TPRG1: variants seen among roughly 807,000 people sequenced by gnomAD.
The protein encoded by TPRG1 is tumor protein p63 regulated 1.
Under a neutral mutation model 29.3 loss-of-function variants are expected in TPRG1, and 29 were observed. The observed-to-expected ratio is 0.99, with a 90% CI of 0.74 to 1.35. TPRG1 has a LOEUF of 1.35. Ranked by LOEUF, TPRG1 falls within the 40% of genes most tolerant of loss-of-function variation. TPRG1 has a pLI of 0.00. For missense variants in TPRG1, 327 were observed against 335.0 expected (o/e 0.98, Z 0.19); for synonymous variants, 130 against 116.8 (o/e 1.11, Z -0.73).
chr3:189,306,797 A>G (rs1721699615), intron 4 of TPRG1, among the ~76,000 whole-genome samples: 1 of 151,916 alleles, frequency 6.6e-6, no homozygotes, highest in Non-Finnish European at 1.5e-5. Flanking sequence ...AAAACTTTTT[A>G]TCATCCGTTA....
intron 4 of TPRG1, among the ~76,000 whole-genome samples, chr3:189,246,379 G>GT (rs991266221): frequency 4.6e-5 from 7 of 151,792 alleles, no homozygotes; most frequent in African/African-American, 7.3e-5. Context: ...CACATAGCAT[G>GT]TTTTTTTTAT....
chr3:189,282,753 A>T (rs984015736), intron 4 of TPRG1, among the ~76,000 whole-genome samples: 3 of 152,180 alleles, frequency 2.0e-5, no homozygotes, highest in Non-Finnish European at 2.9e-5. Context: ...TAAAACCACA[A>T]TCCACTAAGC....
chr3:189,159,268 G>A (rs1047190075), intron 5 of TPRG1, among the ~76,000 whole-genome samples: 4 of 152,128 alleles, frequency 2.6e-5, no homozygotes, highest in African/African-American at 7.2e-5. Flanking sequence ...GAAGAGAAAT[G>A]CAAGAGCAGA....
intron 4 of TPRG1, among the ~76,000 whole-genome samples, chr3:189,045,692 C>T (rs1319186999): frequency 6.6e-6 from 1 of 152,114 alleles, no homozygotes; most frequent in Non-Finnish European, 1.5e-5. Flanking sequence ...ATATATTTTT[C>T]CTTGATTGTA....
At chr3:189,111,552 C>A (rs1453684072) in intron 1 of TPRG1, among the ~76,000 whole-genome samples, 2 of 152,042 alleles carry the variant, frequency 1.3e-5, no homozygotes, top group Non-Finnish European at 2.9e-5. Flanking sequence ...ATAAACAAAT[C>A]TTGTCTAATA....
At chr3:188,997,374 T>C (rs1711871738) in intron 1 of TPRG1, among the ~76,000 whole-genome samples, 2 of 152,202 alleles carry the variant, frequency 1.3e-5, no homozygotes, top group East Asian at 1.9e-4. Flanking sequence ...CTCCATCAGA[T>C]GGTCCTCTTT....
rs946131198 is a variant in TPRG1 at position 189,305,516 on chromosome 3, T to C, written c.480-4870T>C. Among the ~76,000 whole-genome samples, 6 of 152,196 alleles carry C rather than the reference T, an allele frequency of 3.9e-5. 1 individual carries two copies. The highest frequency in any genetic ancestry group is 1.3e-4 in the Admixed American group (2 of 15,278). On this transcript the variant is annotated intron_variant, in intron 4 of 5. Transcript: ENST00000345063. ...GTTTCTACTGTATAAAACTCACCCC[T>C]TCAGCATGTCTTTGCTTTTTTTGTG... is the stretch of plus-strand genomic sequence containing the variant.
At chr3:189,231,806 T>G (rs1738697195) in intron 3 of TPRG1, among the ~76,000 whole-genome samples, 1 of 152,204 alleles carries the variant, frequency 6.6e-6, no homozygotes, top group Non-Finnish European at 1.5e-5. Context: ...AGAGATGATA[T>G]GTGCATAGCT....
chr3:189,250,782 T>G lies in TPRG1; in HGVS notation c.479+11873T>G, dbSNP rs73061035. The stretch of plus-strand genomic sequence containing the variant: ...AAAAAAAAAAAGCAATGATTTAATC[T>G]TAGTACCCACTCGCTGTAGGTGGTA... On this transcript the variant is annotated intron_variant, in intron 4 of 5. Transcript: ENST00000345063. Among the ~76,000 whole-genome samples, 902 of 151,106 alleles carry G rather than the reference T, an allele frequency of 6.0e-3. 8 individuals carry two copies. Among genetic ancestry groups the G allele is most frequent in the African/African-American group, 0.021 (862 of 41,092 alleles).
chr3:189,015,365 A>G (rs1712873158), intron 3 of TPRG1, among the ~76,000 whole-genome samples: 2 of 152,204 alleles, frequency 1.3e-5, no homozygotes, highest in Non-Finnish European at 2.9e-5. Context: ...TGAAATTGAA[A>G]CTTATGTTTA....
rs1040021935 is a variant in TPRG1 at position 189,065,481 on chromosome 3, C to G, written c.-463+41535C>G. ...AAAAAGAATTATAGATCATGAACAA[C>G]AGATTTATTTCAGGTATAGAAAAGT... is the stretch of plus-strand genomic sequence containing the variant. On this transcript the variant is annotated intron_variant, in intron 4 of 10. Transcript: ENST00000433971. 2.6e-5 allele frequency among the ~76,000 whole-genome samples: 4 copies of G among 151,788 alleles called. No individual in the cohort carries two copies. In the East Asian group the frequency reaches 5.8e-4, roughly 22 times the overall value.
chr3:189,050,532 A>G (rs1321551690), intron 4 of TPRG1, among the ~76,000 whole-genome samples: 1 of 152,224 alleles, frequency 6.6e-6, no homozygotes, highest in Non-Finnish European at 1.5e-5. Context: ...AATCCTTTTG[A>G]CACTATTCCA....
In TPRG1 at chr3:189,207,898, G is replaced by A. The variant is rs77320384; in HGVS notation, c.210+304G>A. Among the ~76,000 whole-genome samples the A allele has an allele frequency of 9.9e-4, 151 of 152,320 alleles. 1 individual carries two copies. Among genetic ancestry groups the A allele is most frequent in the African/African-American group, 3.5e-3 (146 of 41,572 alleles). ...TCTCAAAGAACTAGTATTCCATAAAGAGAGAACCATAGCAGCTAGAATACA... is the reference window on the plus strand; with the variant it reads ...TCTCAAAGAACTAGTATTCCATAAAAAGAGAACCATAGCAGCTAGAATACA... On this transcript the variant is annotated intron_variant, in intron 2 of 5. Transcript: ENST00000345063.
chr3:189,211,684 C>T (rs558223637), intron 2 of TPRG1: 3 of 152,142 alleles, frequency 2.0e-5, no homozygotes, highest in Admixed American at 2.0e-4. Flanking sequence ...AATCCAGAAT[C>T]CAACCTTTGA....
intron 3 of TPRG1, among the ~76,000 whole-genome samples, chr3:189,019,695 T>G (rs1351523366): frequency 6.6e-6 from 1 of 151,898 alleles, no homozygotes; most frequent in Non-Finnish European, 1.5e-5. Flanking sequence ...AAAATTCTCT[T>G]TTTTGGTTGT....
intron 4 of TPRG1, among the ~76,000 whole-genome samples, chr3:189,080,469 T>C (rs1202631558): frequency 6.6e-6 from 1 of 152,150 alleles, no homozygotes; most frequent in Non-Finnish European, 1.5e-5. Context: ...TTTTCTTGAA[T>C]CTTTTTTCCT....
At chr3:189,085,160 G>A (rs75763726) in intron 4 of TPRG1, among the ~76,000 whole-genome samples, 4,321 of 152,142 alleles carry the variant, frequency 0.028, 204 homozygotes, top group African/African-American at 0.097. Context: ...AAACAAAAGC[G>A]AAAAGCAAGT....
At chr3:189,224,562 G>GA (rs1253867477) in intron 3 of TPRG1, among the ~76,000 whole-genome samples, 1 of 152,154 alleles carries the variant, frequency 6.6e-6, no homozygotes, top group African/African-American at 2.4e-5. Flanking sequence ...CAGGCTGAGG[G>GA]AATCACAAAC....
At chr3:189,119,674 T>C (rs529503344) in intron 1 of TPRG1, among the ~76,000 whole-genome samples, 1 of 152,312 alleles carries the variant, frequency 6.6e-6, no homozygotes, top group South Asian at 2.1e-4. Flanking sequence ...ATAAGGAACA[T>C]TTCCCTGTTT....
Sources: allele counts gnomAD v4.1 joint callset (sites outside exome capture counted in the v4.1 genomes callset), GRCh38; gene constraint gnomAD v4.1.1; transcripts MANE v1.5; gene names NCBI Gene and HGNC (gene_info 2026-07-23, HGNC 2026-07-21).